The following M1AP variants were observed in gnomAD, a reference collection of about 807,000 sequenced individuals.
M1AP encodes meiosis 1 arrest protein.
M1AP carries 39 observed loss-of-function variants against 51.2 expected under a neutral mutation model. The observed-to-expected ratio is 0.76, with a 90% CI of 0.59 to 1.00. The LOEUF (loss-of-function observed/expected upper bound fraction) is 1.00. Ranked by LOEUF, M1AP falls within the 50% of genes least tolerant of loss-of-function variation. M1AP has a pLI of 0.00. For synonymous variants in M1AP, 251 were observed against 249.2 expected (o/e 1.01, Z -0.07); for missense variants, 545 against 641.2 (o/e 0.85, Z 1.62).
At chr2:74,586,957 G>A (rs981355576) in intron 4 of M1AP, among the ~76,000 whole-genome samples, 8 of 150,550 alleles carry the variant, frequency 5.3e-5, no homozygotes, top group Non-Finnish European at 7.4e-5. Flanking sequence ...AACTGAGATC[G>A]CGCCATTGCA....
At chr2:74,603,262 T>A (rs1680775854) in intron 4 of M1AP, among the ~76,000 whole-genome samples, 1 of 152,182 alleles carries the variant, frequency 6.6e-6, no homozygotes, top group Non-Finnish European at 1.5e-5. Flanking sequence ...TATATACTGA[T>A]AATGTAGGAT....
intron 2 of M1AP, among the ~76,000 whole-genome samples, chr2:74,630,804 T>C (rs151282756): frequency 0.032 from 4,845 of 152,308 alleles, 265 homozygotes; most frequent in African/African-American, 0.11. Context: ...CATGTGTGCA[T>C]GTATCTTTAT....
chr2:74,605,517 T>TGTAGAGTA (rs1558675504), intron 4 of M1AP, among the ~76,000 whole-genome samples: 1 of 152,240 alleles, frequency 6.6e-6, no homozygotes, highest in Non-Finnish European at 1.5e-5. Flanking sequence ...CATTTTTACA[T>TGTAGAGTA]GTACAGTAGT....
chr2:74,586,625 A>AT (rs965061044), intron 4 of M1AP, among the ~76,000 whole-genome samples: 6 of 151,428 alleles, frequency 4.0e-5, no homozygotes, highest in African/African-American at 9.7e-5. Flanking sequence ...CTGCTGATTT[A>AT]TTTTTTTTTA....
At chr2:74,591,089 T>G (rs903849904) in intron 4 of M1AP, among the ~76,000 whole-genome samples, 1 of 152,180 alleles carries the variant, frequency 6.6e-6, no homozygotes, top group Non-Finnish European at 1.5e-5. Context: ...TGAAAGCAAT[T>G]TGTGGACTTT....
Position 74,558,681 on chromosome 2 carries a change from G to C in M1AP, c.*35C>G, listed in dbSNP as rs1225673362. The C allele has an allele frequency of 6.2e-7, 1 of 1,610,034 alleles. No homozygotes were observed. On this transcript the variant is annotated 3_prime_UTR_variant, in exon 11 of 11. Coordinates refer to ENST00000421985, the MANE Select transcript of M1AP (RefSeq NM_001321739.2). ...TTATGTGAACCTGAGCATGGATATG[G>C]TTAAGCTGGGCAGCTGGGCTCTGGT...
chr2:74,622,971 A>C (rs1400212183), intron 2 of M1AP, among the ~76,000 whole-genome samples: 2 of 150,916 alleles, frequency 1.3e-5, no homozygotes, highest in African/African-American at 4.9e-5. Flanking sequence ...AAAAAAAAAC[A>C]AACCCAAAAT....
chr2:74,603,204 C>A lies in M1AP; in HGVS notation c.595+3851G>T, dbSNP rs1415054574. Among the ~76,000 whole-genome samples, 3 of 152,104 alleles carry A rather than the reference C, an allele frequency of 2.0e-5. No homozygotes were observed. In the East Asian group the frequency reaches 5.8e-4, roughly 29 times the overall value. On this transcript the variant is annotated intron_variant, in intron 4 of 10. Transcript: ENST00000421985. ...GGGGATATAGAGGATGCTAGGCAGA[C>A]CAAGAGTAGCCTCCATGGGTATCAA...
At chr2:74,609,013 G>C (rs1292749714) in intron 3 of M1AP, among the ~76,000 whole-genome samples, 1 of 152,178 alleles carries the variant, frequency 6.6e-6, no homozygotes, top group Non-Finnish European at 1.5e-5. Context: ...ATTGTGTAAT[G>C]ATCAAATCAG....
intron 6 of M1AP, 83 bp downstream of exon 6, chr2:74,576,373 T>C (rs1679065760): frequency 7.0e-7 from 1 of 1,433,288 alleles, no homozygotes; most frequent in Non-Finnish European, 9.6e-7. Flanking sequence ...ACTTAAGAGA[T>C]ACCATCTATC....
rs1315208390 is a variant in M1AP, at chr2:74,607,099, T to C, written c.551A>G (p.Glu184Gly). The C allele has an allele frequency of 6.2e-7, 1 of 1,614,014 alleles. No individual in the cohort carries two copies. The highest frequency in any genetic ancestry group is 1.3e-5 in the African/African-American group (1 of 74,936). Residue 184 changes from glutamate (E) to glycine (G), a missense_variant, in exon 4 of 11, where the codon GAG becomes GGG. Transcript: ENST00000421985. ...QVVEVTKGILEHVDSASPVED... is the reference protein window; with the variant it reads ...QVVEVTKGILGHVDSASPVED... ...AACAGGAGACGCTGAGTCCACGTGCTCTAGGATTCCCTTTGTGACCTCAAC... is the reference window on the plus strand; with the variant it reads ...AACAGGAGACGCTGAGTCCACGTGCCCTAGGATTCCCTTTGTGACCTCAAC...
chr2:74,632,105 T>C (rs78872709), intron 2 of M1AP, among the ~76,000 whole-genome samples: 2,374 of 152,338 alleles, frequency 0.016, 75 homozygotes, highest in African/African-American at 0.054. Context: ...GAAAGAAATT[T>C]TGGCTTTCAA....
At chr2:74,619,043 A>G (rs1229135927) in intron 2 of M1AP, 4 of 482,004 alleles carry the variant, frequency 8.3e-6, no homozygotes, top group Non-Finnish European at 1.7e-5. Flanking sequence ...GGAAAAAGGT[A>G]AAGTAATTGA....
chr2:74,632,471 C>T (rs564631312), intron 2 of M1AP, among the ~76,000 whole-genome samples: 1 of 152,260 alleles, frequency 6.6e-6, no homozygotes, highest in Non-Finnish European at 1.5e-5. Flanking sequence ...GACACTTTTC[C>T]CTACTCTGAG....
At chr2:74,630,370 T>C (rs772711358) in intron 2 of M1AP, among the ~76,000 whole-genome samples, 17 of 152,226 alleles carry the variant, frequency 1.1e-4, no homozygotes, top group Non-Finnish European at 2.4e-4. Context: ...GTGCAGAACG[T>C]GCAGGTTTGT....
intron 2 of M1AP, among the ~76,000 whole-genome samples, chr2:74,625,035 G>A (rs568404331): frequency 2.0e-5 from 3 of 152,198 alleles, no homozygotes; most frequent in South Asian, 2.1e-4. Context: ...CTATAATGTC[G>A]ATTTATACAC....
At chr2:74,581,897 T>G in intron 4 of M1AP, 50 bp from the exon 5 acceptor site, 3 of 1,537,702 alleles carry the variant, frequency 2.0e-6, no homozygotes, top group Non-Finnish European at 2.7e-6. Context: ...AAATTTTGAG[T>G]AATATAAAAT....
At chr2:74,644,845 C>T (rs1344827956) in intron 1 of M1AP, among the ~76,000 whole-genome samples, 3 of 152,124 alleles carry the variant, frequency 2.0e-5, no homozygotes, top group African/African-American at 7.2e-5. Flanking sequence ...GAATGCTGAA[C>T]TTGAAGCTGA....
chr2:74,618,115 G>A (rs1245380651), intron 2 of M1AP, among the ~76,000 whole-genome samples: 3 of 152,322 alleles, frequency 2.0e-5, no homozygotes, highest in African/African-American at 7.2e-5. Flanking sequence ...AGCAAGTGAA[G>A]GTCAGGAGAA....
Sources: allele counts gnomAD v4.1 joint callset (sites outside exome capture counted in the v4.1 genomes callset), GRCh38; gene constraint gnomAD v4.1.1; transcripts MANE v1.5; gene names NCBI Gene and HGNC (gene_info 2026-07-23, HGNC 2026-07-21).